The following RYR1 variants were observed in gnomAD, a reference collection of about 807,000 sequenced individuals.
RYR1 encodes the protein ryanodine receptor 1.
In RYR1, 342 loss-of-function variants were observed where a neutral mutation model predicts 583.5. The ratio of observed to expected loss-of-function variants is 0.59; its 90% CI spans 0.54 to 0.64. RYR1 has a LOEUF of 0.64. Ranked by LOEUF, RYR1 falls within the 30% of genes least tolerant of loss-of-function variation. The pLI is 0.00. For missense variants in RYR1, 6,032 were observed against 6,917.2 expected (o/e 0.87, Z 4.54); for synonymous variants, 2,791 against 2,822.5 (o/e 0.99, Z 0.35).
chr19:38,532,386 G>A, intron 76 of RYR1, 104 bp from the exon 77 acceptor site: 1 of 1,114,126 alleles, frequency 9.0e-7, no homozygotes, highest in South Asian at 1.3e-5. Flanking sequence ...GCCTCCCAGA[G>A]TGTTGGGATT....
At chr19:38,584,873 A>G (rs924972834) in intron 101 of RYR1, 70 bp from the exon 102 acceptor site, 4 of 1,590,066 alleles carry the variant, frequency 2.5e-6, no homozygotes, top group East Asian at 2.2e-5. Context: ...AGCCCTGCCT[A>G]TCCCGGGGCC....
At position 38,502,751 on chromosome 19, in the gene RYR1, TGGGGCAGGGGCAGGGGCA is replaced by T. The variant is rs71165552; in HGVS notation, c.7835+65_7836-71del. The T allele has an allele frequency of 0.041, 42,787 of 1,045,744 alleles. 1,969 individuals carry two copies. Among genetic ancestry groups the T allele is most frequent in the Middle Eastern group, 0.053 (216 of 4,038 alleles). The allele number at this position is 1,045,744 out of a possible 1,614,324, so 64.8% of individuals were successfully genotyped here. A position where few individuals can be genotyped will look rare whatever the true frequency, so the allele number is the denominator to read the frequency against. On this transcript the variant is annotated intron_variant, in intron 48 of 105. Coordinates refer to ENST00000359596, the MANE Select transcript of RYR1 (RefSeq NM_000540.3). ...AGGTGGAGCGGGGCAGGCTTCAGGG[TGGGGCAGGGGCAGGGGCA>T]GGGGCAGGGGCAGGGGCAGGGGCAG...
In RYR1 at chr19:38,566,901, C is replaced by G; in HGVS notation, c.13438-10C>G. 1 of 1,602,222 alleles carries G rather than the reference C, an allele frequency of 6.2e-7. No homozygotes were observed. Among genetic ancestry groups the G allele is most frequent in the South Asian group, 1.1e-5 (1 of 88,830 alleles). On this transcript the variant is annotated splice_polypyrimidine_tract_variant and intron_variant, in intron 91 of 105. Transcript: ENST00000359596. ...TGAGGACTCAGCCCTGATGCTTGCC[C>G]TGTCCCTAGGTGGATGGAGTGGAGG...
chr19:38,503,091 G>A, intron 49 of RYR1, 121 bp downstream of exon 49: 1 of 899,690 alleles, frequency 1.1e-6, no homozygotes, highest in Non-Finnish European at 1.8e-6. Context: ...GCACTAGTTA[G>A]GGCAGCGTCC....
At position 38,500,079 on chromosome 19, in the gene RYR1, A is replaced by G. The variant is rs949827570; in HGVS notation, c.7323+63A>G. 1 of 1,418,722 alleles carries G rather than the reference A, an allele frequency of 7.0e-7. No homozygotes were observed. 87.9% of individuals were successfully genotyped at this position (1,418,722 alleles called of 1,614,324 possible). ...CAGGCACAGCCGCTTTGAACGCCTC[A>G]TGCAGGCACTCGGTGACACGGAGTG... is the stretch of plus-strand genomic sequence containing the variant. On this transcript the variant is annotated intron_variant, in intron 45 of 105. Coordinates refer to ENST00000359596, the MANE Select transcript of RYR1 (RefSeq NM_000540.3). The surrounding 1 kb of genome is among the most constrained non-coding windows in gnomAD (Gnocchi z 5.9).
rs759666334 is a variant in RYR1 at position 38,580,113 on chromosome 19, C to A, written c.14496C>A (p.Thr4832=). The change falls in exon 100 of 106, where the codon ACC becomes ACA. Residue 4832 remains threonine, a synonymous_variant. Transcript: ENST00000359596. The part of the protein sequence containing the change: ...KTLRTILSSV[T]HNGKQLVMTV... ...TGCGCACCATCCTGTCCTCTGTCAC[C>A]CACAATGGGAAACAGGTGTGGGGAG... is the stretch of plus-strand genomic sequence containing the variant. The A allele has an allele frequency of 1.9e-6, 3 of 1,614,090 alleles. No homozygotes were observed. In the Admixed American group the frequency reaches 5.0e-5, roughly 27 times the overall value.
chr19:38,480,731 TTTATTTA>T (rs1968966536), intron 31 of RYR1, among the ~76,000 whole-genome samples: 1 of 151,916 alleles, frequency 6.6e-6, no homozygotes, highest in African/African-American at 2.4e-5. Flanking sequence ...TATATTTTAT[TTTATTTA>T]TTATTTATTT....
At position 38,535,341 on chromosome 19, in the gene RYR1, A is replaced by T; in HGVS notation, c.11465A>T (p.Lys3822Met). ...QQKMLDYLKD[K>M]KEVGFFQSIQ... ...AAAATGCTGGATTATCTTAAGGACA[A>T]GAAGGAAGTTGGCTTCTTCCAGAGT... The change falls in exon 81 of 106, where the codon AAG becomes ATG. Residue 3822 changes from lysine to methionine, a missense_variant. Lys to Met is a moderately conservative substitution (Grantham distance 95, BLOSUM62 -1). Coordinates refer to ENST00000359596, the MANE Select transcript of RYR1 (RefSeq NM_000540.3). 1 of 1,614,158 alleles carries T rather than the reference A, an allele frequency of 6.2e-7. No individual in the cohort carries two copies. Among genetic ancestry groups the T allele is most frequent in the Non-Finnish European group, 8.5e-7 (1 of 1,180,024 alleles).
intron 30 of RYR1, among the ~76,000 whole-genome samples, 164 bp from the exon 31 acceptor site, chr19:38,478,271 G>A (rs1269954082): frequency 6.6e-6 from 1 of 152,106 alleles, no homozygotes; most frequent in Non-Finnish European, 1.5e-5. Context: ...GCTCCGAAGA[G>A]CTCAGTGTCC....
Position 38,460,322 on chromosome 19 carries a change from G to T in RYR1, c.2361-53G>T. ...GCTTCCATGTCCCCCACTGACCACA[G>T]ACTGTCCCCCATAACCTCCCCTCAA... On this transcript the variant is annotated intron_variant, in intron 19 of 105. Transcript: ENST00000359596. 2.0e-6 allele frequency: 3 copies of T among 1,525,678 alleles called. 1 individual carries two copies. The South Asian group carries it at 3.4e-5, about 17-fold the overall frequency. The allele number at this position is 1,525,678 out of a possible 1,614,324, so 94.5% of individuals were successfully genotyped here.
Position 38,525,387 on chromosome 19 carries a change from C to T in RYR1, c.10511C>T (p.Ser3504Phe), listed in dbSNP as rs1971422456. ...AAGAAGCGCCGGGGGGACCGGTACT[C>T]TGTGCAGACGTCACTGATCGTGGCC... ...TKKKRRGDRY[S>F]VQTSLIVATL... The change falls in exon 71 of 106, where the codon TCT becomes TTT. Residue 3504 changes from serine to phenylalanine, a missense_variant. Physicochemically the swap from Ser to Phe is radical, Grantham distance 155. Coordinates refer to ENST00000359596, the MANE Select transcript of RYR1 (RefSeq NM_000540.3). 2 of 1,614,002 alleles carry T rather than the reference C, an allele frequency of 1.2e-6. No homozygotes were observed. The highest frequency in any genetic ancestry group is 1.7e-6 in the Non-Finnish European group (2 of 1,179,980).
intron 87 of RYR1, among the ~76,000 whole-genome samples, chr19:38,545,811 C>T (rs1972398022): frequency 1.3e-5 from 2 of 152,076 alleles, no homozygotes; most frequent in Non-Finnish European, 2.9e-5. Flanking sequence ...AACTCTGTCT[C>T]AAAAAGAAAG....
chr19:38,502,794 G>GGGGCAC (rs1970228153), intron 48 of RYR1, 67 bp downstream of exon 48: 1 of 1,098,208 alleles, frequency 9.1e-7, no homozygotes, highest in Non-Finnish European at 1.2e-6. Flanking sequence ...GGCAGGGGCA[G>GGGGCAC]GGGCAGGGGC....
At position 38,504,844 on chromosome 19, in the gene RYR1, A is replaced by G; in HGVS notation, c.8164A>G (p.Lys2722Glu). 1.9e-6 allele frequency: 3 copies of G among 1,614,068 alleles called. No individual in the cohort carries two copies. In the South Asian group the frequency reaches 3.3e-5, roughly 18 times the overall value. The part of the protein sequence containing the change: ...PDYVDASYSS[K>E]AEKKATVDAE... ...CTATGTGGATGCCTCATACTCATCT[A>G]AGGCAGAGAAAAAGGCCACAGTGGA... Residue 2722 changes from lysine to glutamate, a missense_variant, in exon 51 of 106, where the codon AAG becomes GAG. Lys to Glu is a moderately conservative substitution (Grantham distance 56). Coordinates refer to ENST00000359596, the MANE Select transcript of RYR1 (RefSeq NM_000540.3).
Position 38,535,339 on chromosome 19 carries a change from C to A in RYR1, c.11463C>A (p.Asp3821Glu). ...VQQKMLDYLKDKKEVGFFQSI... is the reference protein window; with the variant it reads ...VQQKMLDYLKEKKEVGFFQSI... The stretch of plus-strand genomic sequence containing the variant: ...AGAAAATGCTGGATTATCTTAAGGA[C>A]AAGAAGGAAGTTGGCTTCTTCCAGA... The change falls in exon 81 of 106, where the codon GAC becomes GAA. Residue 3821 changes from aspartate to glutamate, a missense_variant. Coordinates refer to ENST00000359596, the MANE Select transcript of RYR1 (RefSeq NM_000540.3). The A allele has an allele frequency of 1.2e-6, 2 of 1,614,154 alleles. No individual in the cohort carries two copies. Among genetic ancestry groups the A allele is most frequent in the Non-Finnish European group, 1.7e-6 (2 of 1,180,000 alleles).
intron 18 of RYR1, 145 bp downstream of exon 18, chr19:38,458,437 C>A: frequency 2.5e-6 from 2 of 799,684 alleles, no homozygotes; most frequent in Non-Finnish European, 2.1e-6. Context: ...TTCCCAAGAC[C>A]CTAACCCCAG....
intron 12 of RYR1, among the ~76,000 whole-genome samples, chr19:38,452,291 A>G (rs1967117415): frequency 6.6e-6 from 1 of 151,822 alleles, no homozygotes; most frequent in Admixed American, 6.6e-5. Flanking sequence ...ATAACAAAAT[A>G]TTGGCCAGGT....
rs1969435160 is a variant in RYR1 at position 38,489,157 on chromosome 19, AC to A, written c.5548-18del. On this transcript the variant is annotated intron_variant, in intron 34 of 105. Coordinates refer to ENST00000359596, the MANE Select transcript of RYR1 (RefSeq NM_000540.3). ...GAGGCCTTGCAGGCCACAGTGAAGA[AC>A]CGAGACTTTGTCCTGTAGGTGATGG... The A allele has an allele frequency of 6.2e-7, 1 of 1,613,776 alleles. No homozygotes were observed. The highest frequency in any genetic ancestry group is 1.3e-5 in the African/African-American group (1 of 75,042).
At chr19:38,450,123 G>A (rs977694337) in intron 11 of RYR1, among the ~76,000 whole-genome samples, 1 of 152,146 alleles carries the variant, frequency 6.6e-6, no homozygotes, top group Admixed American at 6.6e-5. Context: ...AGAATTCTTA[G>A]GCTGTCTCTG....
Sources: gnomAD v4.1 joint callset for allele counts (sites outside exome capture counted in the v4.1 genomes callset) on GRCh38, gnomAD v4.1.1 for gene constraint, Gnocchi (gnomAD v3.1) non-coding constraint, MANE v1.5 for transcripts, NCBI Gene and HGNC (gene_info 2026-07-23, HGNC 2026-07-21) for gene names.